CUX2: variants seen among roughly 807,000 people sequenced by gnomAD.
The protein encoded by CUX2 is homeobox protein cut-like 2.
A neutral mutation model predicts 144.8 loss-of-function variants in CUX2; 40 were observed. The ratio of observed to expected loss-of-function variants is 0.28; its 90% CI spans 0.21 to 0.36. The LOEUF (loss-of-function observed/expected upper bound fraction) is 0.36, where lower values mean the gene tolerates loss of function less well. Ranked by LOEUF, CUX2 falls within the 10% of genes least tolerant of loss-of-function variation. CUX2 has a pLI of 1.00. For missense variants in CUX2, 1,615 were observed against 1,994.0 expected (o/e 0.81, Z 3.62); for synonymous variants, 827 against 875.6 (o/e 0.94, Z 0.98).
Position 111,070,393 on chromosome 12 carries a change from T to TTTCCTTCCTTCC in CUX2, c.63+36205_63+36216dup, listed in dbSNP as rs143464416. Among the ~76,000 whole-genome samples, 118 of 99,460 alleles carry TTTCCTTCCTTCC rather than the reference T, an allele frequency of 1.2e-3. 1 individual carries two copies. Among genetic ancestry groups the TTTCCTTCCTTCC allele is most frequent in the African/African-American group, 5.0e-3 (114 of 22,954 alleles). The allele number at this position is 99,460 out of a possible 152,430, so 65.2% of individuals were successfully genotyped here. Reference sequence around the variant, plus strand: ...CCCTCCCTTCTTCCTTCCTTCCTTCTTTCCTTCCTTCCTTCCTTCCTTCCT... The same window carrying TTTCCTTCCTTCC: ...CCCTCCCTTCTTCCTTCCTTCCTTCTTTCCTTCCTTCCTTCCTTCCTTCCTTCCTTCCTTCCT... On this transcript the variant is annotated intron_variant, in intron 1 of 21. Transcript: ENST00000261726.
rs181772358 is a variant in CUX2, at chr12:111,309,828, T to C, written c.1259-213T>C. Among the ~76,000 whole-genome samples, 195 of 151,624 alleles carry C rather than the reference T, an allele frequency of 1.3e-3. 1 individual carries two copies. Among genetic ancestry groups the C allele is most frequent in the African/African-American group, 4.6e-3 (192 of 41,300 alleles). ...CTCTCATGTGATTTCTCTCTCTGTC[T>C]CTCTCATTGTCTCTTTCTTTCTCTC... is the stretch of plus-strand genomic sequence containing the variant. On this transcript the variant is annotated intron_variant, in intron 14 of 21. Coordinates refer to ENST00000261726, the MANE Select transcript of CUX2 (RefSeq NM_015267.4).
chr12:111,082,532 G>T (rs1407160906), intron 1 of CUX2, among the ~76,000 whole-genome samples: 2 of 152,200 alleles, frequency 1.3e-5, no homozygotes, highest in African/African-American at 4.8e-5. Context: ...GACCCAGGTC[G>T]GACTGGAGTG....
At chr12:111,074,483 TCTG>T (rs1266345897) in intron 1 of CUX2, among the ~76,000 whole-genome samples, 1 of 152,056 alleles carries the variant, frequency 6.6e-6, no homozygotes, top group Non-Finnish European at 1.5e-5. Context: ...GGGTCAGCTC[TCTG>T]CTGTGAGTGA....
rs540235742 is a variant in CUX2 at position 111,061,981 on chromosome 12, G to A, written c.63+27741G>A. ...CCTCGCCTGTGAAATAGGTCGCCTC[G>A]CAGCCTCACTCACAGGGAGTGTCGG... On this transcript the variant is annotated intron_variant, in intron 1 of 21. Transcript: ENST00000261726. The surrounding 1 kb of genome is among the most constrained non-coding windows in gnomAD (Gnocchi z 4.2). 3.1e-4 allele frequency among the ~76,000 whole-genome samples: 47 copies of A among 152,332 alleles called. No homozygotes were observed. Among genetic ancestry groups the A allele is most frequent in the Admixed American group, 5.2e-4 (8 of 15,302 alleles).
At chr12:111,205,584 G>C (rs1880874066) in intron 1 of CUX2, among the ~76,000 whole-genome samples, 2 of 152,190 alleles carry the variant, frequency 1.3e-5, no homozygotes, top group Non-Finnish European at 2.9e-5. Flanking sequence ...TTGAGGGACT[G>C]TGTGCCATTG....
rs957695759 is a variant in CUX2 at position 111,263,201 on chromosome 12, G to A, written c.223-560G>A. On this transcript the variant is annotated intron_variant, in intron 3 of 21. Coordinates refer to ENST00000261726, the MANE Select transcript of CUX2 (RefSeq NM_015267.4). This position sits in a 1 kb window ranked among gnomAD's most constrained non-coding sequence, Gnocchi z 4.0. ...GTAGAAAATGACTAAGGCCAGGTGC[G>A]GTGGTGGCCTGTAATCCCGGCACTT... Among the ~76,000 whole-genome samples the A allele has an allele frequency of 6.6e-6, 1 of 152,300 alleles. No individual in the cohort carries two copies. Among genetic ancestry groups the A allele is most frequent in the South Asian group, 2.1e-4 (1 of 4,826 alleles).
chr12:111,092,363 C>G (rs1316907515), intron 1 of CUX2, among the ~76,000 whole-genome samples: 1 of 152,234 alleles, frequency 6.6e-6, no homozygotes, highest in African/African-American at 2.4e-5. Flanking sequence ...GTCTTCTGAG[C>G]AGGCTGAGCT....
chr12:111,314,004 C>A (rs903176103), intron 16 of CUX2, among the ~76,000 whole-genome samples: 1 of 152,102 alleles, frequency 6.6e-6, no homozygotes, highest in Non-Finnish European at 1.5e-5. Flanking sequence ...CGCCAGGAGC[C>A]GAGATGTTTC....
chr12:111,304,162 A>C lies in CUX2; in HGVS notation c.754-48A>C, dbSNP rs764452573. 1.2e-5 allele frequency: 18 copies of C among 1,465,840 alleles called. No individual in the cohort carries two copies. The Admixed American group carries it at 2.7e-4, about 22-fold the overall frequency. 90.8% of individuals were successfully genotyped at this position (1,465,840 alleles called of 1,614,324 possible). A position where few individuals can be genotyped will look rare whatever the true frequency, so the allele number is the denominator to read the frequency against. ...TGAAACAGTGCAGGGAGAAGGTGGAAGTGCAGAGTGGGCTCACCTCTCGCC... is the reference window on the plus strand; with the variant it reads ...TGAAACAGTGCAGGGAGAAGGTGGACGTGCAGAGTGGGCTCACCTCTCGCC... On this transcript the variant is annotated intron_variant, in intron 9 of 21. Coordinates refer to ENST00000261726, the MANE Select transcript of CUX2 (RefSeq NM_015267.4). The surrounding 1 kb of genome is among the most constrained non-coding windows in gnomAD (Gnocchi z 4.7).
At chr12:111,062,098 T>A (rs1476552861) in intron 1 of CUX2, among the ~76,000 whole-genome samples, 1 of 152,372 alleles carries the variant, frequency 6.6e-6, no homozygotes, top group Non-Finnish European at 1.5e-5. Flanking sequence ...ACTTCTGCTA[T>A]AGCCGCCGGC....
At chr12:111,345,240 G>T (rs1026345695) in intron 21 of CUX2, among the ~76,000 whole-genome samples, 1 of 151,232 alleles carries the variant, frequency 6.6e-6, no homozygotes, top group African/African-American at 2.4e-5. Context: ...ACGAAGTCAA[G>T]AGATCGAGAC....
chr12:111,217,652 TATA>T (rs2136228782), intron 2 of CUX2, among the ~76,000 whole-genome samples: 1 of 151,794 alleles, frequency 6.6e-6, no homozygotes, highest in African/African-American at 2.4e-5. Flanking sequence ...CAACATGCAT[TATA>T]TGAAAGACTC....
chr12:111,264,158 G>T (rs992433488), intron 4 of CUX2, among the ~76,000 whole-genome samples: 1 of 152,166 alleles, frequency 6.6e-6, no homozygotes, highest in Non-Finnish European at 1.5e-5. Flanking sequence ...TAGCACAGAA[G>T]ACTGAGGGCA....
chr12:111,228,769 G>A (rs906584141), intron 3 of CUX2, among the ~76,000 whole-genome samples: 2 of 152,114 alleles, frequency 1.3e-5, no homozygotes, highest in Admixed American at 6.5e-5. Context: ...AAAAAATTCT[G>A]TGTGTCAGCA....
Position 111,242,279 on chromosome 12 carries a change from A to G in CUX2, c.223-21482A>G, listed in dbSNP as rs71458389. Among the ~76,000 whole-genome samples, 524 of 152,350 alleles carry G rather than the reference A, an allele frequency of 3.4e-3. 5 individuals carry two copies. The highest frequency in any genetic ancestry group is 0.01 in the Middle Eastern group (3 of 292). On this transcript the variant is annotated intron_variant, in intron 3 of 21. Coordinates refer to ENST00000261726, the MANE Select transcript of CUX2 (RefSeq NM_015267.4). Reference sequence around the variant, plus strand: ...GGTTGAGTGACTTTCCTAAGTTGCAACAGCAAATAAGTGATGAAACTGAAT... The same window carrying G: ...GGTTGAGTGACTTTCCTAAGTTGCAGCAGCAAATAAGTGATGAAACTGAAT...
At chr12:111,244,741 C>A (rs1300645788) in intron 3 of CUX2, among the ~76,000 whole-genome samples, 2 of 152,104 alleles carry the variant, frequency 1.3e-5, no homozygotes, top group African/African-American at 4.8e-5. Flanking sequence ...AAGGTCAGGA[C>A]TGATCAGAAC....
Position 111,322,520 on chromosome 12 carries a change from C to G in CUX2, c.2866C>G (p.Gln956Glu). The G allele has an allele frequency of 6.2e-7, 1 of 1,608,768 alleles. No individual in the cohort carries two copies. The highest frequency in any genetic ancestry group is 8.5e-7 in the Non-Finnish European group (1 of 1,178,928). ...GGGGCGGGAGCCCTTCATCCGCATG[C>G]AGCTGTGGCTCTCTGACCAGCTCGG... ...QKGREPFIRM[Q>E]LWLSDQLGQA... Residue 956 changes from glutamine to glutamate, a missense_variant, in exon 18 of 22, where the codon CAG becomes GAG. By Grantham distance (29) the Gln-to-Glu change is conservative. This residue lies in a region of CUX2 where 17 missense variants were observed against 68.7 expected (regional missense o/e 0.25). Transcript: ENST00000261726. This position sits in a 1 kb window ranked among gnomAD's most constrained non-coding sequence, Gnocchi z 4.2.
chr12:111,288,689 G>A (rs149767770), intron 4 of CUX2, among the ~76,000 whole-genome samples: 6 of 152,154 alleles, frequency 3.9e-5, no homozygotes, highest in East Asian at 3.9e-4. Flanking sequence ...TTGGCCGGGC[G>A]CAGTAGCTCA....
rs1885576551 is a variant in CUX2, at chr12:111,289,776, G to C, written c.302-1642G>C. Among the ~76,000 whole-genome samples the C allele has an allele frequency of 6.6e-6, 1 of 151,762 alleles. No individual in the cohort carries two copies. Among genetic ancestry groups the C allele is most frequent in the Non-Finnish European group, 1.5e-5 (1 of 67,964 alleles). ...AACAACGTGTGTCACAAATGATGGT[G>C]TCACCAGGTCCACCGAGAAGCACAC... On this transcript the variant is annotated intron_variant, in intron 4 of 21. Coordinates refer to ENST00000261726, the MANE Select transcript of CUX2 (RefSeq NM_015267.4). This position sits in a 1 kb window ranked among gnomAD's most constrained non-coding sequence, Gnocchi z 4.1.
Sources: gnomAD v4.1 joint callset for allele counts (sites outside exome capture counted in the v4.1 genomes callset) on GRCh38, gnomAD v4.1.1 for gene constraint, gnomAD v4.1.1 regional missense constraint, Gnocchi (gnomAD v3.1) non-coding constraint, MANE v1.5 for transcripts, NCBI Gene and HGNC (gene_info 2026-07-23, HGNC 2026-07-21) for gene names.